Variants in SLC25A53 observed in about 807,000 individuals in gnomAD.
SLC25A53 encodes the protein solute carrier family 25 member 53.
SLC25A53 carries 5 observed loss-of-function variants against 15.0 expected under a neutral mutation model. The ratio of observed to expected loss-of-function variants is 0.33; its 90% confidence interval spans 0.17 to 0.70. The LOEUF (loss-of-function observed/expected upper bound fraction) is 0.70. Ranked by LOEUF, SLC25A53 falls within the 30% of genes least tolerant of loss-of-function variation. The pLI is 0.67. For synonymous variants in SLC25A53, 95 were observed against 100.0 expected (o/e 0.95, Z 0.30); for missense variants, 216 against 241.6 (o/e 0.89, Z 0.70).
At chrX:104,127,884 A>C (rs782329225) in intron 1 of SLC25A53, among the ~76,000 whole-genome samples, 35 of 111,331 alleles carry the variant, frequency 3.1e-4, no homozygotes, top group African/African-American at 1.1e-3. Flanking sequence ...GAATGGCTTG[A>C]ACTGGTGAGG....
intron 1 of SLC25A53, among the ~76,000 whole-genome samples, chrX:104,148,434 T>C (rs1556369696): frequency 9.7e-6 from 1 of 103,559 alleles, no homozygotes; most frequent in African/African-American, 3.6e-5. Context: ...ACATGTACCC[T>C]GAAACTTAAA....
At chrX:104,121,265 A>G (rs781949541) in intron 1 of SLC25A53, among the ~76,000 whole-genome samples, 132 of 112,498 alleles carry the variant, frequency 1.2e-3, no homozygotes, top group Non-Finnish European at 2.2e-3. Flanking sequence ...ATTATTTTTC[A>G]TAACTGCATT....
chrX:104,104,965 G>A lies in SLC25A53; in HGVS notation c.293C>T (p.Thr98Ile). Residue 98 changes from threonine to isoleucine, a missense_variant, in exon 2 of 2, where the codon ACT becomes ATT. Thr to Ile is a moderately conservative substitution (Grantham distance 89). Transcript: ENST00000594199. ...KTLQGTLLFG[T>I]YDSLLCFLSP... Reference sequence around the variant, plus strand: ...GAGAAAGCACAGCAGGCTATCATAAGTCCCAAACAGAAGAGTCCCTTGCAA... The same window carrying A: ...GAGAAAGCACAGCAGGCTATCATAAATCCCAAACAGAAGAGTCCCTTGCAA... The A allele has an allele frequency of 8.3e-7, 1 of 1,211,505 alleles. No individual in the cohort carries two copies. Among genetic ancestry groups the A allele is most frequent in the Non-Finnish European group, 1.1e-6 (1 of 895,516 alleles).
intron 1 of SLC25A53, among the ~76,000 whole-genome samples, chrX:104,154,938 AT>A (rs1476672563): frequency 3.7e-4 from 42 of 112,060 alleles, no homozygotes; most frequent in Non-Finnish European, 7.0e-4. Flanking sequence ...TGAATATGTT[AT>A]TTACCTTGAT....
At chrX:104,151,267 G>A (rs1192298101) in intron 1 of SLC25A53, among the ~76,000 whole-genome samples, 1 of 111,140 alleles carries the variant, frequency 9.0e-6, no homozygotes, top group African/African-American at 3.3e-5. Flanking sequence ...TCACACACAG[G>A]GTGCTTAAGC....
At chrX:104,113,940 C>T in intron 1 of SLC25A53, 1 of 771,022 alleles carries the variant, frequency 1.3e-6, no homozygotes, top group Non-Finnish European at 1.8e-6. Flanking sequence ...CTACTGCAGA[C>T]TGCTTCCCCA....
intron 1 of SLC25A53, chrX:104,130,577 C>T (rs926533460): frequency 1.8e-5 from 2 of 111,384 alleles, no homozygotes; most frequent in African/African-American, 6.5e-5. Context: ...TCCTGTTTTA[C>T]AAGGCGAAGC....
At chrX:104,148,221 T>A (rs1187516809) in intron 1 of SLC25A53, among the ~76,000 whole-genome samples, 1 of 108,815 alleles carries the variant, frequency 9.2e-6, no homozygotes, top group Admixed American at 9.9e-5. Context: ...AAACACCGCA[T>A]GTTCTCACTC....
intron 1 of SLC25A53, among the ~76,000 whole-genome samples, chrX:104,133,434 T>C (rs2075430027): frequency 9.0e-6 from 1 of 111,126 alleles, no homozygotes; most frequent in Non-Finnish European, 1.9e-5. Flanking sequence ...TGGTTCACAG[T>C]CTAGAAGGTA....
intron 1 of SLC25A53, among the ~76,000 whole-genome samples, chrX:104,122,565 T>C (rs2075398590): frequency 9.0e-6 from 1 of 111,253 alleles, no homozygotes; most frequent in Non-Finnish European, 1.9e-5. Flanking sequence ...GTAATGAGAC[T>C]ACTTCAGCCC....
chrX:104,114,893 G>A (rs1569461376), intron 1 of SLC25A53: 2 of 1,204,324 alleles, frequency 1.7e-6, no homozygotes, highest in Non-Finnish European at 2.2e-6. Context: ...AGTGCTGACT[G>A]TAACTGCAAC....
intron 1 of SLC25A53, among the ~76,000 whole-genome samples, chrX:104,121,591 A>G (rs1181386480): frequency 9.1e-6 from 1 of 109,726 alleles, no homozygotes; most frequent in Non-Finnish European, 1.9e-5. Context: ...TTTAACTCTG[A>G]GCTACTAGAG....
chrX:104,135,566 T>C (rs1905617559), intron 1 of SLC25A53, among the ~76,000 whole-genome samples: 1 of 110,961 alleles, frequency 9.0e-6, no homozygotes, highest in Admixed American at 9.6e-5. Flanking sequence ...CTTCTCTCCA[T>C]ACTCACTGCC....
In SLC25A53 at chrX:104,115,139, G is replaced by A. The variant is rs781869707; in HGVS notation, c.-31-9851C>T. The A allele has an allele frequency of 9.1e-6, 11 of 1,205,133 alleles. No individual in the cohort carries two copies. The East Asian group carries it at 1.8e-4, about 20-fold the overall frequency. On this transcript the variant is annotated intron_variant, in intron 1 of 1. Transcript: ENST00000594199. The stretch of plus-strand genomic sequence containing the variant: ...GGGAATATTCGTAGAGCCAGGAAGC[G>A]AAAATACACAACCCGCTGCTCATAT...
intron 1 of SLC25A53, among the ~76,000 whole-genome samples, chrX:104,121,362 T>C (rs1262805918): frequency 8.9e-6 from 1 of 112,301 alleles, no homozygotes; most frequent in Non-Finnish European, 1.9e-5. Context: ...TTCACTGTTA[T>C]AAACCCACTG....
chrX:104,129,322 T>C (rs2075419154), intron 1 of SLC25A53, among the ~76,000 whole-genome samples: 1 of 111,734 alleles, frequency 8.9e-6, no homozygotes, highest in Non-Finnish European at 1.9e-5. Flanking sequence ...TTATTAACAT[T>C]GAACTCACAG....
chrX:104,137,653 A>T (rs781907831), intron 1 of SLC25A53, among the ~76,000 whole-genome samples: 5 of 111,793 alleles, frequency 4.5e-5, no homozygotes, highest in Admixed American at 9.5e-5. Flanking sequence ...CCAACCAATC[A>T]GAGCTCATCT....
intron 1 of SLC25A53, among the ~76,000 whole-genome samples, chrX:104,153,812 A>G (rs1174948634): frequency 8.9e-6 from 1 of 112,240 alleles, no homozygotes; most frequent in African/African-American, 3.2e-5. Context: ...TTGCTCGACC[A>G]TCCAAAACAT....
intron 1 of SLC25A53, chrX:104,115,265 C>A (rs1556361033): frequency 8.4e-7 from 1 of 1,193,883 alleles, no homozygotes; most frequent in Non-Finnish European, 1.1e-6. Context: ...CTGACACATA[C>A]AGAGGAGAGG....
Sources: gnomAD v4.1 joint callset for allele counts (sites outside exome capture counted in the v4.1 genomes callset) on GRCh38, gnomAD v4.1.1 for gene constraint, MANE v1.5 for transcripts, NCBI Gene and HGNC (gene_info 2026-07-23, HGNC 2026-07-21) for gene names.